Variants in PTPRM observed in about 807,000 individuals in gnomAD.
The protein encoded by PTPRM is protein tyrosine phosphatase receptor type M, also known as receptor-type tyrosine-protein phosphatase mu.
PTPRM carries 47 observed loss-of-function variants against 186.7 expected under a neutral mutation model. That is an observed-to-expected ratio of 0.25 (90% CI 0.20 to 0.32). The LOEUF is 0.32. Among genes scored for constraint, PTPRM ranks in the 10% least tolerant of loss-of-function variants. The pLI, the probability that PTPRM is intolerant of heterozygous loss-of-function variation, is 1.00. For missense variants in PTPRM, 1,494 were observed against 1,865.0 expected (o/e 0.80, Z 3.66); for synonymous variants, 668 against 674.9 (o/e 0.99, Z 0.16).
At chr18:7,604,188 A>G (rs1264955039) in intron 1 of PTPRM, among the ~76,000 whole-genome samples, 1 of 152,166 alleles carries the variant, frequency 6.6e-6, no homozygotes, top group Admixed American at 6.5e-5. Context: ...GTTGTGAATG[A>G]GTTGTTCCAA....
intron 13 of PTPRM, among the ~76,000 whole-genome samples, chr18:8,133,011 G>A (rs1367215911): frequency 6.6e-6 from 1 of 152,142 alleles, no homozygotes; most frequent in East Asian, 1.9e-4. Context: ...CAATCCAAGA[G>A]CATTTTGCTG....
chr18:8,318,936 A>G (rs1811529644), intron 21 of PTPRM, among the ~76,000 whole-genome samples: 1 of 152,334 alleles, frequency 6.6e-6, no homozygotes, highest in Middle Eastern at 3.4e-3. Context: ...TTGCTCATCC[A>G]TCATCTCATA....
At chr18:7,887,887 G>A in intron 2 of PTPRM, 1 of 718,520 alleles carries the variant, frequency 1.4e-6, no homozygotes, top group Admixed American at 1.9e-5. Context: ...TAACATCCAG[G>A]GAATTTTCCA....
intron 1 of PTPRM, among the ~76,000 whole-genome samples, chr18:7,767,733 T>C (rs1481437391): frequency 6.6e-6 from 1 of 152,204 alleles, no homozygotes; most frequent in Non-Finnish European, 1.5e-5. Flanking sequence ...GAAAGAGAAT[T>C]CAACTTTTGT....
At chr18:7,714,478 A>C (rs775863010) in intron 1 of PTPRM, among the ~76,000 whole-genome samples, 1 of 152,162 alleles carries the variant, frequency 6.6e-6, no homozygotes, top group Non-Finnish European at 1.5e-5. Context: ...AACAGCAAAT[A>C]AATTCAAAAG....
chr18:7,631,083 T>G (rs1013368238), intron 1 of PTPRM, among the ~76,000 whole-genome samples: 11 of 152,142 alleles, frequency 7.2e-5, no homozygotes, highest in African/African-American at 2.7e-4. Context: ...TGCTTTTCTG[T>G]TCTACACTTC....
chr18:8,302,119 A>G (rs1156610281), intron 20 of PTPRM, among the ~76,000 whole-genome samples: 1 of 152,216 alleles, frequency 6.6e-6, no homozygotes, highest in Non-Finnish European at 1.5e-5. Context: ...GGTGATGTAA[A>G]TGATTACAAA....
intron 2 of PTPRM, among the ~76,000 whole-genome samples, chr18:7,827,257 A>G (rs1282249868): frequency 1.3e-5 from 2 of 152,242 alleles, no homozygotes; most frequent in African/African-American, 4.8e-5. Context: ...CAAACACAGT[A>G]CTTTCCTTCA....
At chr18:7,870,686 C>A (rs939422014) in intron 2 of PTPRM, among the ~76,000 whole-genome samples, 1 of 152,148 alleles carries the variant, frequency 6.6e-6, no homozygotes, top group African/African-American at 2.4e-5. Context: ...TATTAAATCA[C>A]CTGAATATTT....
intron 14 of PTPRM, among the ~76,000 whole-genome samples, chr18:8,229,947 A>G (rs901560571): frequency 6.6e-6 from 1 of 152,112 alleles, no homozygotes; most frequent in African/African-American, 2.4e-5. Context: ...ACCTTTCCTC[A>G]CCAGTGACTC....
chr18:7,618,612 C>T (rs1479098513), intron 1 of PTPRM, among the ~76,000 whole-genome samples: 2 of 152,172 alleles, frequency 1.3e-5, no homozygotes, highest in Non-Finnish European at 2.9e-5. Context: ...TCTTTCAGAA[C>T]CAAGTAAGAA....
intron 4 of PTPRM, among the ~76,000 whole-genome samples, chr18:7,916,935 A>G (rs2050593486): frequency 6.6e-6 from 1 of 152,154 alleles, no homozygotes; most frequent in African/African-American, 2.4e-5. Context: ...ATTAGCCAAC[A>G]TGTTGTCCCT....
chr18:7,577,735 G>A (rs1286843480), intron 1 of PTPRM, among the ~76,000 whole-genome samples: 1 of 152,166 alleles, frequency 6.6e-6, no homozygotes, highest in Admixed American at 6.5e-5. Flanking sequence ...TCCACCATGA[G>A]TTCAGGTCAT....
intron 5 of PTPRM, among the ~76,000 whole-genome samples, chr18:7,943,541 G>A (rs1330083600): frequency 6.6e-6 from 1 of 152,146 alleles, no homozygotes; most frequent in East Asian, 1.9e-4. Context: ...TCCTATTGCT[G>A]CTGTAACAAA....
At chr18:7,868,997 G>T (rs539641540) in intron 2 of PTPRM, among the ~76,000 whole-genome samples, 9 of 152,296 alleles carry the variant, frequency 5.9e-5, no homozygotes, top group Non-Finnish European at 1.2e-4. Flanking sequence ...TGTTTATGTT[G>T]TGAGGGGAAA....
chr18:8,343,327 G>A (rs2095485620), intron 22 of PTPRM, 96 bp from the exon 23 acceptor site: 1 of 949,552 alleles, frequency 1.1e-6, no homozygotes, highest in Admixed American at 2.1e-5. Flanking sequence ...TGAGGGAACT[G>A]CATGTGGGTA....
chr18:8,210,215 G>A (rs113938351), intron 14 of PTPRM, among the ~76,000 whole-genome samples: 1,531 of 152,154 alleles, frequency 0.01, 22 homozygotes, highest in African/African-American at 0.035. Context: ...GGAGGCTGAG[G>A]CACGAGAATC....
intron 1 of PTPRM, among the ~76,000 whole-genome samples, chr18:7,647,145 A>T (rs1733117706): frequency 6.6e-6 from 1 of 152,136 alleles, no homozygotes; most frequent in African/African-American, 2.4e-5. Context: ...CTATTGAATG[A>T]GCAATAATTT....
intron 1 of PTPRM, among the ~76,000 whole-genome samples, chr18:7,636,769 A>T (rs1337336316): frequency 6.6e-6 from 1 of 152,220 alleles, no homozygotes; most frequent in Non-Finnish European, 1.5e-5. Context: ...TTGGATTTAA[A>T]CAAAGGGACT....
Sources: gnomAD v4.1 joint callset for allele counts (sites outside exome capture counted in the v4.1 genomes callset) on GRCh38, gnomAD v4.1.1 for gene constraint, MANE v1.5 for transcripts, NCBI Gene and HGNC (gene_info 2026-07-23, HGNC 2026-07-21) for gene names.